H2BC18: variants seen among roughly 807,000 people sequenced by gnomAD.
The protein encoded by H2BC18 is histone H2B type 2-F.
Under a neutral mutation model 6.3 loss-of-function variants are expected in H2BC18, and 8 were observed. That is an observed-to-expected ratio of 1.28 (90% CI 0.75 to 2.31). The LOEUF (loss-of-function observed/expected upper bound fraction) is 2.31. H2BC18 is among the 30% of genes most tolerant of loss of function. H2BC18 has a pLI of 0.00. For missense variants in H2BC18, 106 were observed against 174.5 expected (o/e 0.61, Z 2.21); for synonymous variants, 104 against 78.1 (o/e 1.33, Z -1.75).
At chr1:149,786,422 C>T (rs1321027108) in intron 1 of H2BC18, 3 of 152,148 alleles carry the variant, frequency 2.0e-5, no homozygotes, top group Non-Finnish European at 4.4e-5. Context: ...TTTCAATGAA[C>T]AAGACTTGTT....
chr1:149,785,324 G>T (rs1342501179), intron 1 of H2BC18, among the ~76,000 whole-genome samples: 5 of 151,314 alleles, frequency 3.3e-5, no homozygotes, highest in African/African-American at 9.7e-5. Context: ...CTGAGGGAAG[G>T]CTTGATGTTC....
intron 1 of H2BC18, among the ~76,000 whole-genome samples, chr1:149,796,371 C>T (rs2091800380): frequency 6.6e-6 from 1 of 152,146 alleles, no homozygotes; most frequent in Non-Finnish European, 1.5e-5. Context: ...AAATTAAATT[C>T]CCCAAATGTG....
At chr1:149,799,718 T>G (rs1553753113) in intron 1 of H2BC18, among the ~76,000 whole-genome samples, 2 of 152,214 alleles carry the variant, frequency 1.3e-5, no homozygotes, top group African/African-American at 4.8e-5. Context: ...GATCTATTTT[T>G]CATATCATTT....
intron 1 of H2BC18, chr1:149,792,699 A>G: frequency 7.8e-7 from 1 of 1,282,232 alleles, no homozygotes; most frequent in Non-Finnish European, 1.0e-6. Context: ...GCTGCGGCGA[A>G]AGCTGTTGGG....
chr1:149,807,688 C>T (rs1386812918), downstream of H2BC18, among the ~76,000 whole-genome samples: 1 of 151,862 alleles, frequency 6.6e-6, no homozygotes, highest in South Asian at 2.1e-4. Flanking sequence ...TCTGTAATCC[C>T]AGCTACTCGG....
At position 149,812,336 on chromosome 1, in the gene H2BC18, A is replaced by G. The variant is rs1266164054; in HGVS notation, c.-13T>C. On this transcript the variant is annotated 5_prime_UTR_variant, in exon 1 of 1. Transcript: ENST00000369167. ...CTGGATCCGGCATTTTTGCGCGAAAAAAGAGAAAAGAGACTTAAAGAAGTA... is the reference window on the plus strand; with the variant it reads ...CTGGATCCGGCATTTTTGCGCGAAAGAAGAGAAAAGAGACTTAAAGAAGTA... The G allele has an allele frequency of 9.9e-6, 16 of 1,613,944 alleles. No homozygotes were observed. Among genetic ancestry groups the G allele is most frequent in the African/African-American group, 1.3e-5 (1 of 74,890 alleles).
chr1:149,787,407 G>A (rs1294435843), intron 1 of H2BC18: 8 of 152,204 alleles, frequency 5.3e-5, no homozygotes, highest in African/African-American at 1.9e-4. Flanking sequence ...GGTGTATGTC[G>A]AAAGGAAAAG....
Position 149,797,731 on chromosome 1 carries a change from C to G in H2BC18, c.377+14216G>C, listed in dbSNP as rs6587594. On this transcript the variant is annotated intron_variant, in intron 1 of 1. Transcript: ENST00000545683. Reference sequence around the variant, plus strand: ...TCCTGCCTCGGCCTCCCTAGCAGTTCGAACTATAGGCGTGCACCACGACAT... The same window carrying G: ...TCCTGCCTCGGCCTCCCTAGCAGTTGGAACTATAGGCGTGCACCACGACAT... 7.0e-3 allele frequency among the ~76,000 whole-genome samples: 1,057 copies of G among 152,008 alleles called. 11 individuals carry two copies. Among genetic ancestry groups the G allele is most frequent in the African/African-American group, 0.025 (1,015 of 41,318 alleles).
In H2BC18 at chr1:149,812,246, G is replaced by A. The variant is rs782629314; in HGVS notation, c.78C>T (p.Asp26=). The A allele has an allele frequency of 5.6e-6, 9 of 1,614,150 alleles. No homozygotes were observed. Among genetic ancestry groups the A allele is most frequent in the Admixed American group, 1.7e-5 (1 of 60,010 alleles). ...TGCGGCTGCGCTTGCGCTTCTTGCC[G>A]TCCTTCTTCTGCACTTTCGTAACAG... is the stretch of plus-strand genomic sequence containing the variant. ...KKAVTKVQKK[D]GKKRKRSRKE... is the part of the protein sequence containing the mutation. The change falls in exon 1 of 1, where the codon GAC becomes GAT. Residue 26 remains aspartate (D), a synonymous_variant. Transcript: ENST00000369167.
chr1:149,790,664 T>G (rs2091686269), intron 1 of H2BC18, among the ~76,000 whole-genome samples: 1 of 146,160 alleles, frequency 6.8e-6, no homozygotes, highest in African/African-American at 2.5e-5. Context: ...TGACCCCCCC[T>G]TCTCTCTCTC....
Position 149,788,395 on chromosome 1 carries a change from G to A in H2BC18, c.378-5135C>T, listed in dbSNP as rs1248230268. 5.0e-6 allele frequency: 8 copies of A among 1,613,296 alleles called. No homozygotes were observed. The East Asian group carries it at 6.7e-5, about 13-fold the overall frequency. The stretch of plus-strand genomic sequence containing the variant: ...GCTACTACTGCAGGTCTCCAGCAGA[G>A]TCTTCACGGAAGGAGAACCTCTGGC... On this transcript the variant is annotated intron_variant, in intron 1 of 1. Transcript: ENST00000545683.
At chr1:149,810,296 A>G (rs2091960174), downstream of H2BC18, 2 of 151,820 alleles carry the variant, frequency 1.3e-5, no homozygotes, top group Admixed American at 6.6e-5. Context: ...TTTACTTTCA[A>G]CGGAAATTTT....
intron 1 of H2BC18, chr1:149,785,695 G>A (rs1276134962): frequency 1.3e-5 from 2 of 151,940 alleles, no homozygotes; most frequent in Non-Finnish European, 2.9e-5. Context: ...AATTTTCATT[G>A]AAATATAACT....
intron 1 of H2BC18, among the ~76,000 whole-genome samples, chr1:149,797,663 T>C (rs2091814865): frequency 6.6e-6 from 1 of 152,176 alleles, no homozygotes; most frequent in Non-Finnish European, 1.5e-5. Context: ...AGTGGCATGA[T>C]CTCAACTCAC....
Position 149,791,321 on chromosome 1 carries a change from G to C in H2BC18, c.378-8061C>G, listed in dbSNP as rs1443104333. On this transcript the variant is annotated intron_variant, in intron 1 of 1. Transcript: ENST00000545683. ...ATGTTTTTAGTGAACACTGTTCTCT[G>C]GGTGACAATACGTAAAGAACTGAAA... The C allele has an allele frequency of 1.0e-5, 16 of 1,596,176 alleles. No homozygotes were observed. The Admixed American group carries it at 2.4e-4, about 24-fold the overall frequency.
At chr1:149,785,486 G>C (rs1382291870) in intron 1 of H2BC18, among the ~76,000 whole-genome samples, 1 of 124,764 alleles carries the variant, frequency 8.0e-6, no homozygotes, top group Non-Finnish European at 1.6e-5. Context: ...GTGTGATCTT[G>C]GCTCACTGCA....
intron 1 of H2BC18, chr1:149,793,247 G>T (rs587759799): frequency 8.0e-7 from 1 of 1,254,530 alleles, no homozygotes; most frequent in South Asian, 1.3e-5. Context: ...AGGCGGCGGC[G>T]GCAGGGAGGG....
chr1:149,805,104 G>A (rs1265642724), intron 1 of H2BC18, among the ~76,000 whole-genome samples: 1 of 152,284 alleles, frequency 6.6e-6, no homozygotes, highest in Non-Finnish European at 1.5e-5. Flanking sequence ...TCTGGAGATA[G>A]TTCTCTTTTC....
downstream of H2BC18, among the ~76,000 whole-genome samples, chr1:149,810,191 T>A (rs1237229661): frequency 2.6e-5 from 4 of 151,996 alleles, no homozygotes; most frequent in Admixed American, 1.3e-4. Flanking sequence ...TTGGATAAAT[T>A]CTCTTATGGC....
Sources: gnomAD v4.1 joint callset for allele counts (sites outside exome capture counted in the v4.1 genomes callset) on GRCh38, gnomAD v4.1.1 for gene constraint, MANE v1.5 for transcripts, NCBI Gene and HGNC (gene_info 2026-07-23, HGNC 2026-07-21) for gene names.